The following PHF14 variants were observed in gnomAD, a reference collection of about 807,000 sequenced individuals.
PHF14 encodes the protein PHD finger protein 14.
A neutral mutation model predicts 117.9 loss-of-function variants in PHF14; 55 were observed. The ratio of observed to expected loss-of-function variants is 0.47; its 90% confidence interval spans 0.38 to 0.58. PHF14 has a LOEUF of 0.58. Ranked by LOEUF, PHF14 falls within the 20% of genes least tolerant of loss-of-function variation. The pLI is 0.00. For synonymous variants in PHF14, 409 were observed against 368.6 expected, an observed-to-expected ratio of 1.11 and a Z score of -1.26; for missense variants, 978 against 1,122.2, an observed-to-expected ratio of 0.87 and a Z score of 1.84.
intron 6 of PHF14, among the ~76,000 whole-genome samples, chr7:11,025,735 C>T (rs1457468662): frequency 6.6e-6 from 1 of 152,036 alleles, no homozygotes; most frequent in Non-Finnish European, 1.5e-5. Flanking sequence ...GCAGAGCTTG[C>T]AGTGAGCCGA....
chr7:11,006,425 G>C (rs28541920), intron 4 of PHF14: 5,832 of 527,428 alleles, frequency 0.011, 256 homozygotes, highest in African/African-American at 0.1. Flanking sequence ...TTGTTGGCAA[G>C]ATTCAAAGCA....
At position 11,104,693 on chromosome 7, in the gene PHF14, T is replaced by C. The variant is rs182251032; in HGVS notation, c.2655-6657T>C. ...TTGTGCATTGGAATCACAGGAAGGATTTGTAAAAACACAGGTGACTACCCT... is the reference window on the plus strand; with the variant it reads ...TTGTGCATTGGAATCACAGGAAGGACTTGTAAAAACACAGGTGACTACCCT... On this transcript the variant is annotated intron_variant, in intron 16 of 17. Transcript: ENST00000634607. 6.6e-6 allele frequency: 6 copies of C among 911,158 alleles called. No homozygotes were observed. In the East Asian group the frequency reaches 5.9e-4, roughly 90 times the overall value. 56.4% of individuals were successfully genotyped at this position (911,158 alleles called of 1,614,324 possible). A position where few individuals can be genotyped will look rare whatever the true frequency, so the allele number is the denominator to read the frequency against.
chr7:11,094,216 A>G (rs1181027346), intron 16 of PHF14, among the ~76,000 whole-genome samples: 1 of 152,182 alleles, frequency 6.6e-6, no homozygotes, highest in Non-Finnish European at 1.5e-5. Context: ...GTTAGAACAA[A>G]TTACTACAAA....
At chr7:10,988,583 C>A (rs897695480) in intron 3 of PHF14, among the ~76,000 whole-genome samples, 1 of 95,360 alleles carries the variant, frequency 1.0e-5, no homozygotes, top group African/African-American at 4.2e-5. Context: ...CAAGGAAAGT[C>A]TTTTTTGGAC....
At position 10,982,773 on chromosome 7, in the gene PHF14, G is replaced by A. The variant is rs781174027; in HGVS notation, c.514G>A (p.Ala172Thr). Reference sequence around the variant, plus strand: ...CCCTTCTGTTCCCACTACGACAACCGCTACAGAGGAACAAGTCAGCGAGCC... The same window carrying A: ...CCCTTCTGTTCCCACTACGACAACCACTACAGAGGAACAAGTCAGCGAGCC... ...TSPSVPTTTTATEEQVSEPKK... is the reference protein window; with the variant it reads ...TSPSVPTTTTTTEEQVSEPKK... Residue 172 changes from alanine (A) to threonine (T), a missense_variant, in exon 3 of 18, where the codon GCT (alanine) becomes ACT (threonine). Physicochemically the swap from Ala to Thr is moderately conservative, Grantham distance 58. Transcript: ENST00000634607. 2.6e-5 allele frequency: 42 copies of A among 1,613,710 alleles called. 1 individual carries two copies. Among genetic ancestry groups the A allele is most frequent in the Non-Finnish European group, 1.9e-5 (23 of 1,179,840 alleles).
At chr7:11,103,779 AG>A in intron 16 of PHF14, 1 of 985,258 alleles carries the variant, frequency 1.0e-6, no homozygotes, top group Non-Finnish European at 1.2e-6. Context: ...AGTTACAGTG[AG>A]GAACGCTATG....
intron 3 of PHF14, among the ~76,000 whole-genome samples, chr7:10,987,958 G>A (rs1219572301): frequency 8.2e-5 from 12 of 145,578 alleles, no homozygotes; most frequent in African/African-American, 3.1e-4. Flanking sequence ...GGAGGTTGCG[G>A]TGAGCCGAGA....
chr7:11,114,967 A>G (rs2128344272), intron 17 of PHF14, among the ~76,000 whole-genome samples: 1 of 152,134 alleles, frequency 6.6e-6, no homozygotes, highest in South Asian at 2.1e-4. Flanking sequence ...TTGTTAATAA[A>G]TGCCACATGC....
intron 17 of PHF14, among the ~76,000 whole-genome samples, chr7:11,137,879 G>T (rs1788271564): frequency 6.6e-6 from 1 of 151,848 alleles, no homozygotes; most frequent in South Asian, 2.1e-4. Context: ...GAGCCACTGC[G>T]CCCGGCCCTG....
intron 17 of PHF14, among the ~76,000 whole-genome samples, chr7:11,148,256 T>G (rs1476666241): frequency 6.6e-6 from 1 of 152,216 alleles, no homozygotes; most frequent in Non-Finnish European, 1.5e-5. Flanking sequence ...TCTTAAACCC[T>G]CCAGTGGCTT....
intron 16 of PHF14, among the ~76,000 whole-genome samples, chr7:11,071,742 G>A (rs921831243): frequency 5.9e-5 from 9 of 152,120 alleles, no homozygotes; most frequent in African/African-American, 1.2e-4. Flanking sequence ...TCATAGCCCT[G>A]AGACATGTTT....
At chr7:11,110,685 A>G (rs1375853770) in intron 16 of PHF14, 1 of 176,628 alleles carries the variant, frequency 5.7e-6, no homozygotes, top group Non-Finnish European at 1.1e-5. Context: ...TTGTGAGAAT[A>G]AAACTAAATT....
chr7:11,114,278 G>T (rs1051140841), intron 17 of PHF14, among the ~76,000 whole-genome samples: 4 of 151,996 alleles, frequency 2.6e-5, no homozygotes, highest in African/African-American at 7.2e-5. Context: ...AAAATGAATT[G>T]CACTTTAACA....
At chr7:11,112,044 A>G (rs144735475) in intron 17 of PHF14, among the ~76,000 whole-genome samples, 3 of 152,250 alleles carry the variant, frequency 2.0e-5, no homozygotes, top group East Asian at 1.9e-4. Flanking sequence ...CATCTTTTTA[A>G]TATTAACATT....
intron 17 of PHF14, among the ~76,000 whole-genome samples, chr7:11,137,545 T>C (rs942313324): frequency 4.6e-5 from 7 of 151,980 alleles, no homozygotes; most frequent in African/African-American, 1.7e-4. Context: ...TTAATATAGT[T>C]CTAAAGTTAA....
intron 4 of PHF14, among the ~76,000 whole-genome samples, chr7:11,012,969 T>A (rs1463266808): frequency 6.6e-6 from 1 of 152,150 alleles, no homozygotes; most frequent in Non-Finnish European, 1.5e-5. Context: ...TACAATTGTA[T>A]TATACCTGTT....
At chr7:11,022,791 A>G (rs1243797957) in intron 5 of PHF14, 77 bp from the exon 6 acceptor site, 7 of 678,172 alleles carry the variant, frequency 1.0e-5, no homozygotes, top group East Asian at 6.1e-5. Flanking sequence ...TGAGATGGCA[A>G]GCGTTTTATA....
chr7:11,009,595 G>A (rs539683495), intron 4 of PHF14, among the ~76,000 whole-genome samples: 9 of 152,280 alleles, frequency 5.9e-5, no homozygotes, highest in African/African-American at 2.2e-4. Flanking sequence ...ATTTTAGAAC[G>A]TATTTAGTCA....
At chr7:11,051,804 A>C in intron 14 of PHF14, 24 bp downstream of exon 14, 1 of 1,605,868 alleles carries the variant, frequency 6.2e-7, no homozygotes, top group Non-Finnish European at 8.5e-7. Flanking sequence ...TATTTATCAT[A>C]AGCATCATAC....
Sources: gnomAD v4.1 joint callset for allele counts (sites outside exome capture counted in the v4.1 genomes callset) on GRCh38, gnomAD v4.1.1 for gene constraint, MANE v1.5 for transcripts, NCBI Gene and HGNC (gene_info 2026-07-23, HGNC 2026-07-21) for gene names.